The following SMPD4 variants were observed in gnomAD, a reference collection of about 807,000 sequenced individuals.
The protein encoded by SMPD4 is neutral sphingomyelinase 3.
Under a neutral mutation model 97.8 loss-of-function variants are expected in SMPD4, and 58 were observed. The observed-to-expected ratio is 0.59, with a 90% CI of 0.48 to 0.74. The LOEUF is 0.74. SMPD4 is among the 30% of genes least tolerant of loss of function. The pLI is 0.00. For synonymous variants in SMPD4, 388 were observed against 450.0 expected (o/e 0.86, Z 1.74); for missense variants, 853 against 1,080.5 (o/e 0.79, Z 2.95).
In SMPD4 at chr2:130,152,010, G is replaced by C. The variant is rs1686287380; in HGVS notation, c.*545C>G. ...CTTGGAACAGCTGGGAGAACATGAA[G>C]AACGCCCCTCACAGTGAAGAATCAG... On this transcript the variant is annotated 3_prime_UTR_variant, in exon 20 of 20. Transcript: ENST00000680298. 3 of 153,698 alleles carry C rather than the reference G, an allele frequency of 2.0e-5. No homozygotes were observed. Among genetic ancestry groups the C allele is most frequent in the Admixed American group, 1.9e-4 (3 of 15,426 alleles). 9.5% of individuals were successfully genotyped at this position (153,698 alleles called of 1,614,324 possible). A position where few individuals can be genotyped will look rare whatever the true frequency, so the allele number is the denominator to read the frequency against.
At position 130,167,499 on chromosome 2, in the gene SMPD4, G is replaced by A. The variant is rs1325124643; in HGVS notation, c.751C>T (p.Pro251Ser). The change falls in exon 9 of 20, where the codon CCC becomes TCC. Residue 251 changes from proline (P) to serine (S), a missense_variant. Transcript: ENST00000680298. ...GACCTCCAGATCTCGTGGGAGGCGG[G>A]GTCTGCATTCACAGACGTCTGATGA... ...ISHQTSVNAD[P>S]ASHEIWRSET... 1.9e-6 allele frequency: 3 copies of A among 1,613,664 alleles called. No individual in the cohort carries two copies. The highest frequency in any genetic ancestry group is 3.3e-5 in the Admixed American group (2 of 59,978).
chr2:130,176,100 G>A (rs1688953935), intron 2 of SMPD4, among the ~76,000 whole-genome samples: 1 of 151,956 alleles, frequency 6.6e-6, no homozygotes, highest in Non-Finnish European at 1.5e-5. Context: ...TGGAACTCCA[G>A]GCATGAGCCA....
chr2:130,166,308 CAAAAAAAAAAAA>C (rs56226182), intron 9 of SMPD4, among the ~76,000 whole-genome samples: 5 of 60,902 alleles, frequency 8.2e-5, no homozygotes, highest in African/African-American at 1.2e-4. Context: ...GACTCCATCT[CAAAAAAAAAAAA>C]AAAAAAAAAA....
intron 1 of SMPD4, among the ~76,000 whole-genome samples, chr2:130,180,259 G>A (rs1422308485): frequency 2.0e-5 from 3 of 151,074 alleles, no homozygotes; most frequent in Non-Finnish European, 4.4e-5. Context: ...CACTGCGCCC[G>A]GCCAGCTTTC....
intron 14 of SMPD4, 50 bp from the exon 15 acceptor site, chr2:130,155,309 C>A: frequency 6.2e-7 from 1 of 1,607,522 alleles, no homozygotes; most frequent in South Asian, 1.1e-5. Context: ...TGGAAGCATG[C>A]CCCTAATGCC....
At chr2:130,153,564 T>C in intron 17 of SMPD4, 114 bp from the exon 18 acceptor site, 4 of 1,574,336 alleles carry the variant, frequency 2.5e-6, no homozygotes, top group Non-Finnish European at 3.5e-6. Flanking sequence ...ACGCTCGGGG[T>C]GTGGGCCTGC....
chr2:130,155,949 C>T (rs1391953167), intron 14 of SMPD4, 86 bp downstream of exon 14: 1 of 1,395,366 alleles, frequency 7.2e-7, no homozygotes, highest in Non-Finnish European at 1.0e-6. Context: ...GACCCCAGCA[C>T]AGGCCGCTGG....
At chr2:130,158,237 G>A (rs1023766102) in intron 11 of SMPD4, 42 of 1,288,634 alleles carry the variant, frequency 3.3e-5, no homozygotes, top group Admixed American at 6.9e-5. Context: ...TAGAAGCCCC[G>A]GGCGTCACTT....
At chr2:130,154,876 C>T (rs1470495185) in intron 15 of SMPD4, 4 of 666,440 alleles carry the variant, frequency 6.0e-6, no homozygotes, top group African/African-American at 3.6e-5. Flanking sequence ...GGCACACCTG[C>T]GATCCCCCAC....
intron 1 of SMPD4, among the ~76,000 whole-genome samples, chr2:130,179,044 T>C (rs181223622): frequency 6.6e-6 from 1 of 151,536 alleles, no homozygotes; most frequent in East Asian, 1.9e-4. Flanking sequence ...AAAGAGGCCA[T>C]GTAGGCAGCT....
intron 3 of SMPD4, among the ~76,000 whole-genome samples, chr2:130,174,296 C>T (rs1688767214): frequency 6.6e-6 from 1 of 152,178 alleles, no homozygotes; most frequent in South Asian, 2.1e-4. Context: ...GTTGAGATTA[C>T]AGGCATGAGC....
At chr2:130,154,660 A>T in intron 15 of SMPD4, 178 bp from the exon 16 acceptor site, 1 of 750,884 alleles carries the variant, frequency 1.3e-6, no homozygotes, top group Non-Finnish European at 2.3e-6. Flanking sequence ...GGGAGGGCGG[A>T]TGGGGGAGCT....
At chr2:130,175,430 A>G (rs562678919) in intron 2 of SMPD4, among the ~76,000 whole-genome samples, 17 of 152,322 alleles carry the variant, frequency 1.1e-4, no homozygotes, top group Non-Finnish European at 1.8e-4. Context: ...TGATTACACC[A>G]TTGTGATCAT....
chr2:130,181,639 G>A (rs1689655562), upstream of SMPD4: 1 of 1,560,404 alleles, frequency 6.4e-7, no homozygotes, highest in African/African-American at 1.4e-5. Flanking sequence ...GGCCGGGCGG[G>A]AAAAGCGCTT....
At chr2:130,179,687 G>A (rs1689315535) in intron 1 of SMPD4, among the ~76,000 whole-genome samples, 1 of 150,792 alleles carries the variant, frequency 6.6e-6, no homozygotes, top group African/African-American at 2.4e-5. Flanking sequence ...ATGGAGTCTC[G>A]CTCCGTTGCC....
chr2:130,160,930 G>A (rs1478693975), intron 11 of SMPD4, among the ~76,000 whole-genome samples: 1 of 152,194 alleles, frequency 6.6e-6, no homozygotes. Flanking sequence ...CTGGCCTGGA[G>A]CCTGGACAGC....
intron 12 of SMPD4, 112 bp downstream of exon 12, chr2:130,157,139 G>A (rs1321307592): frequency 7.9e-7 from 1 of 1,261,652 alleles, no homozygotes; most frequent in African/African-American, 1.5e-5. Flanking sequence ...GAACAGAAAG[G>A]GACTCCCCTC....
chr2:130,160,440 C>T (rs1249578355), intron 11 of SMPD4, among the ~76,000 whole-genome samples: 2 of 152,376 alleles, frequency 1.3e-5, no homozygotes, highest in Middle Eastern at 3.4e-3. Context: ...TCACAGATTC[C>T]TCTGTCATCC....
chr2:130,172,949 T>C lies in SMPD4; in HGVS notation c.346-54A>G, dbSNP rs565417709. ...GCAGGTGCTGGTGCGTAGTGCCCGA[T>C]ACGCAGTACCCCACATGCACAGCAG... On this transcript the variant is annotated intron_variant, in intron 5 of 19. Transcript: ENST00000680298. 51 of 1,562,576 alleles carry C rather than the reference T, an allele frequency of 3.3e-5. 1 individual carries two copies. The East Asian group carries it at 1.0e-3, about 31-fold the overall frequency.
Sources: gnomAD v4.1 joint callset for allele counts (sites outside exome capture counted in the v4.1 genomes callset) on GRCh38, gnomAD v4.1.1 for gene constraint, MANE v1.5 for transcripts, NCBI Gene and HGNC (gene_info 2026-07-23, HGNC 2026-07-21) for gene names.